The following SREBF2 variants were observed in gnomAD, a reference collection of about 807,000 sequenced individuals.
The protein encoded by SREBF2 is sterol regulatory element-binding protein 2.
In SREBF2, 55 loss-of-function variants were observed where a neutral mutation model predicts 113.1. The ratio of observed to expected loss-of-function variants is 0.49; its 90% confidence interval spans 0.39 to 0.61. The LOEUF (loss-of-function observed/expected upper bound fraction) is 0.61, where lower values mean the gene tolerates loss of function less well. Ranked by LOEUF, SREBF2 falls within the 20% of genes least tolerant of loss-of-function variation. The pLI, the probability that SREBF2 is intolerant of heterozygous loss-of-function variation, is 0.00. For missense variants in SREBF2, 1,349 were observed against 1,487.4 expected, an observed-to-expected ratio of 0.91 and a Z score of 1.53; for synonymous variants, 593 against 605.7, an observed-to-expected ratio of 0.98 and a Z score of 0.31.
intron 11 of SREBF2, among the ~76,000 whole-genome samples, chr22:41,887,517 T>C (rs901553392): frequency 6.6e-6 from 1 of 152,240 alleles, no homozygotes. Context: ...GTCTGACTTA[T>C]TTTGCTCAAT....
intron 17 of SREBF2, chr22:41,904,559 C>T (rs1252480140): frequency 5.6e-5 from 33 of 590,482 alleles, no homozygotes; most frequent in Non-Finnish European, 8.2e-5. Flanking sequence ...CTTGGGGCTT[C>T]ACCCAGGGCA....
In SREBF2 at chr22:41,873,863, G is replaced by A; in HGVS notation, c.933G>A (p.Val311=). 2 of 1,613,688 alleles carry A rather than the reference G, an allele frequency of 1.2e-6. No individual in the cohort carries two copies. The highest frequency in any genetic ancestry group is 8.5e-7 in the Non-Finnish European group (1 of 1,179,840). ...TMPVMMGQEK[V]PIKQVPGGVK... is the part of the protein sequence containing the mutation. ...CTGTAATGATGGGGCAAGAGAAAGT[G>A]CCCATTAAGCAGGTACCTGGGGGAG... The change falls in exon 5 of 19, where the codon GTG becomes GTA. Residue 311 remains valine (V), a synonymous_variant. Coordinates refer to ENST00000361204, the MANE Select transcript of SREBF2 (RefSeq NM_004599.4).
At chr22:41,857,663 T>A (rs1426494166) in intron 1 of SREBF2, among the ~76,000 whole-genome samples, 1 of 152,218 alleles carries the variant, frequency 6.6e-6, no homozygotes, top group East Asian at 1.9e-4. Flanking sequence ...AAATATAGGA[T>A]GCTTGAGTCA....
rs79129483 is a variant in SREBF2 at position 41,899,507 on chromosome 22, C to T, written c.2738+726C>T. ...CCTTAGAGCCAAGGCTGTAGCATTT[C>T]CTATCAAGCAGACCCTTAACCGGCG... On this transcript the variant is annotated intron_variant, in intron 15 of 18. Transcript: ENST00000361204. 7.3e-4 allele frequency: 722 copies of T among 992,632 alleles called. 6 individuals are homozygous for T. In the African/African-American group the frequency reaches 0.012, roughly 16 times the overall value. 61.5% of individuals were successfully genotyped at this position (992,632 alleles called of 1,614,324 possible). A position where few individuals can be genotyped will look rare whatever the true frequency, so the allele number is the denominator to read the frequency against.
In SREBF2 at chr22:41,893,220, T is replaced by C. The variant is rs781192080; in HGVS notation, c.2312T>C (p.Met771Thr). The C allele has an allele frequency of 6.2e-7, 1 of 1,614,200 alleles. No individual in the cohort carries two copies. Among genetic ancestry groups the C allele is most frequent in the Non-Finnish European group, 8.5e-7 (1 of 1,180,046 alleles). The change falls in exon 12 of 19, where the codon ATG (methionine) becomes ACG (threonine). Residue 771 changes from methionine to threonine, a missense_variant. Around this residue, in one of 2 missense-constraint regions of SREBF2, gnomAD observed 650 missense variants for 644.1 expected, o/e 1.01. Coordinates refer to ENST00000361204, the MANE Select transcript of SREBF2 (RefSeq NM_004599.4). Reference protein sequence around the residue: ...LCHPLGQKFFMERSWSVKSAA... With the variant: ...LCHPLGQKFFTERSWSVKSAA... ...CACCCCCTGGGCCAGAAGTTTTTCA[T>C]GGAGCGGAGCTGGTCTGTGAAGTCA... is the stretch of plus-strand genomic sequence containing the variant.
intron 1 of SREBF2, among the ~76,000 whole-genome samples, chr22:41,842,428 T>C (rs1433530006): frequency 6.6e-6 from 1 of 152,250 alleles, no homozygotes; most frequent in Non-Finnish European, 1.5e-5. Context: ...CAATGTATCT[T>C]ATAGATCATC....
intron 10 of SREBF2, 150 bp from the exon 11 acceptor site, chr22:41,884,692 C>A: frequency 1.2e-6 from 1 of 805,446 alleles, no homozygotes; most frequent in Non-Finnish European, 2.1e-6. Context: ...CAGAGCCTGG[C>A]ATCCCATCCT....
At chr22:41,838,930 A>C (rs147104045) in intron 1 of SREBF2, among the ~76,000 whole-genome samples, 1 of 152,248 alleles carries the variant, frequency 6.6e-6, no homozygotes, top group African/African-American at 2.4e-5. Context: ...CTCCCTGCAG[A>C]AACCCAGTTT....
At chr22:41,842,182 G>T (rs1299251596) in intron 1 of SREBF2, among the ~76,000 whole-genome samples, 1 of 152,108 alleles carries the variant, frequency 6.6e-6, no homozygotes, top group African/African-American at 2.4e-5. Flanking sequence ...TACATAAAAA[G>T]GTACTATGAA....
At chr22:41,845,048 G>A (rs1268785415) in intron 1 of SREBF2, among the ~76,000 whole-genome samples, 1 of 150,576 alleles carries the variant, frequency 6.6e-6, no homozygotes, top group African/African-American at 2.4e-5. Context: ...CCTGTCTCCT[G>A]TAATCCCGAG....
At position 41,880,797 on chromosome 22, in the gene SREBF2, C is replaced by T. The variant is rs147552921; in HGVS notation, c.1843C>T (p.Leu615=). The T allele has an allele frequency of 6.2e-7, 1 of 1,614,182 alleles. No individual in the cohort carries two copies. The highest frequency in any genetic ancestry group is 8.5e-7 in the Non-Finnish European group (1 of 1,180,036). The change falls in exon 10 of 19, where the codon CTG becomes TTG. Residue 615 remains leucine (L), a synonymous_variant. Coordinates refer to ENST00000361204, the MANE Select transcript of SREBF2 (RefSeq NM_004599.4). ...GRALPTSRLD[L]ACSLSWNVIR... Reference sequence around the variant, plus strand: ...GGCACTGCCCACCTCCCGCCTGGACCTGGCCTGCAGCCTCTCCTGGAACGT... The same window carrying T: ...GGCACTGCCCACCTCCCGCCTGGACTTGGCCTGCAGCCTCTCCTGGAACGT...
chr22:41,838,665 G>A lies in SREBF2; in HGVS notation c.88+5307G>A, dbSNP rs546863391. ...GGAGAATCGCTTGAACCTGGGAGGCGGAGGTTGCAGTGAACCCAGATTGTG... is the reference window on the plus strand; with the variant it reads ...GGAGAATCGCTTGAACCTGGGAGGCAGAGGTTGCAGTGAACCCAGATTGTG... On this transcript the variant is annotated intron_variant, in intron 1 of 18. Transcript: ENST00000361204. 5.9e-5 allele frequency among the ~76,000 whole-genome samples: 9 copies of A among 152,224 alleles called. No individual in the cohort carries two copies. The East Asian group carries it at 9.7e-4, about 16-fold the overall frequency.
intron 9 of SREBF2, chr22:41,878,572 T>C: frequency 1.1e-6 from 1 of 891,266 alleles, no homozygotes; most frequent in Non-Finnish European, 1.6e-6. Flanking sequence ...AGGAACTGAT[T>C]TGGGGCTTTA....
intron 3 of SREBF2, among the ~76,000 whole-genome samples, chr22:41,869,501 TGGA>T (rs2077119564): frequency 6.9e-6 from 1 of 145,242 alleles, no homozygotes; most frequent in Admixed American, 7.1e-5. Context: ...TTTTTTTTTT[TGGA>T]GACAGTTTTG....
chr22:41,835,552 C>T lies in SREBF2; in HGVS notation c.88+2194C>T, dbSNP rs149292655. The stretch of plus-strand genomic sequence containing the variant: ...CTCCAACTCCCAACCTCAGGTGATC[C>T]GCCCACCTTGGCCTCCTAAAGTGCT... On this transcript the variant is annotated intron_variant, in intron 1 of 18. Coordinates refer to ENST00000361204, the MANE Select transcript of SREBF2 (RefSeq NM_004599.4). 9.3e-4 allele frequency among the ~76,000 whole-genome samples: 142 copies of T among 152,204 alleles called. No homozygotes were observed. In the East Asian group the frequency reaches 0.018, roughly 19 times the overall value.
chr22:41,867,825 T>C (rs1327542750), intron 2 of SREBF2, among the ~76,000 whole-genome samples: 2 of 148,190 alleles, frequency 1.3e-5, no homozygotes, highest in African/African-American at 2.6e-5. Context: ...AAAAAAAAAA[T>C]CCAGCAAGCA....
chr22:41,902,274 C>T (rs2077471544), intron 16 of SREBF2, among the ~76,000 whole-genome samples: 1 of 152,218 alleles, frequency 6.6e-6, no homozygotes, highest in Non-Finnish European at 1.5e-5. Context: ...CAGCCCAGCC[C>T]CATAGGTCGT....
chr22:41,846,474 C>A (rs187794572), intron 1 of SREBF2, among the ~76,000 whole-genome samples: 123 of 152,324 alleles, frequency 8.1e-4, no homozygotes, highest in African/African-American at 2.8e-3. Flanking sequence ...AAAGGAAGAT[C>A]AGGGTGCTAA....
chr22:41,899,564 A>C, intron 15 of SREBF2: 1 of 992,698 alleles, frequency 1.0e-6, no homozygotes, highest in Non-Finnish European at 1.2e-6. Context: ...GTGAGTATAC[A>C]CAGGCTTGAA....
Sources: allele counts gnomAD v4.1 joint callset (sites outside exome capture counted in the v4.1 genomes callset), GRCh38; gene constraint gnomAD v4.1.1; regional missense constraint gnomAD v4.1.1; transcripts MANE v1.5; gene names NCBI Gene and HGNC (gene_info 2026-07-23, HGNC 2026-07-21).